Variants in EEF1E1 observed in about 807,000 individuals in gnomAD.
EEF1E1 encodes eukaryotic translation elongation factor 1 epsilon-1.
In EEF1E1, 19 loss-of-function variants were observed where a neutral mutation model predicts 19.9. The observed-to-expected ratio is 0.95, with a 90% confidence interval of 0.66 to 1.40. EEF1E1 has a LOEUF of 1.40. Ranked by LOEUF, EEF1E1 falls within the 40% of genes most tolerant of loss-of-function variation. EEF1E1 has a pLI of 0.00. For missense variants in EEF1E1, 198 were observed against 202.2 expected (o/e 0.98, Z 0.13); for synonymous variants, 81 against 80.0 (o/e 1.01, Z -0.07).
At chr6:8,101,508 T>C (rs987085699) in intron 1 of EEF1E1, among the ~76,000 whole-genome samples, 3 of 151,472 alleles carry the variant, frequency 2.0e-5, no homozygotes, top group Admixed American at 2.0e-4. Flanking sequence ...CACTTAACCT[T>C]TCTAGGCTTC....
chr6:8,093,089 G>C (rs1758064976), intron 2 of EEF1E1, among the ~76,000 whole-genome samples: 1 of 151,916 alleles, frequency 6.6e-6, no homozygotes, highest in Non-Finnish European at 1.5e-5. Context: ...GGCCAGGCTG[G>C]TCTCAAACTC....
chr6:8,082,311 T>C (rs1224258565), intron 3 of EEF1E1, among the ~76,000 whole-genome samples: 1 of 152,198 alleles, frequency 6.6e-6, no homozygotes, highest in African/African-American at 2.4e-5. Context: ...AGAGTCTTAC[T>C]CTGTTGCCCA....
intron 2 of EEF1E1, among the ~76,000 whole-genome samples, chr6:8,092,359 C>G (rs1295588112): frequency 3.9e-5 from 6 of 152,140 alleles, no homozygotes; most frequent in Non-Finnish European, 8.8e-5. Flanking sequence ...TTTGAGTTTG[C>G]AAACAAAGTT....
chr6:8,094,921 T>C (rs1402496852), intron 2 of EEF1E1, among the ~76,000 whole-genome samples: 1 of 152,216 alleles, frequency 6.6e-6, no homozygotes, highest in African/African-American at 2.4e-5. Flanking sequence ...TTCTTTTCTC[T>C]AGCTTACTTT....
intron 3 of EEF1E1, among the ~76,000 whole-genome samples, chr6:8,086,731 G>A (rs1038249893): frequency 6.6e-6 from 1 of 152,106 alleles, no homozygotes; most frequent in African/African-American, 2.4e-5. Context: ...TTAGTGATGA[G>A]GTACAGTGAG....
chr6:8,097,257 GT>G lies in EEF1E1; in HGVS notation c.288+9del. ...TCATGCATTTCAGCCTATAAGAGAAGTCACGATACCTTCAACAGTGTGTGGA... is the reference window on the plus strand; with the variant it reads ...TCATGCATTTCAGCCTATAAGAGAAGCACGATACCTTCAACAGTGTGTGGA... On this transcript the variant is annotated intron_variant, in intron 2 of 3. Coordinates refer to ENST00000379715, the MANE Select transcript of EEF1E1 (RefSeq NM_004280.5). 6.2e-7 allele frequency: 1 copy of G among 1,613,260 alleles called. No individual in the cohort carries two copies. The highest frequency in any genetic ancestry group is 1.1e-5 in the South Asian group (1 of 91,048).
At chr6:8,095,888 G>A (rs1758159315) in intron 2 of EEF1E1, among the ~76,000 whole-genome samples, 1 of 152,174 alleles carries the variant, frequency 6.6e-6, no homozygotes, top group Admixed American at 6.5e-5. Context: ...TCACCCACCA[G>A]TCTGAGTTCT....
At chr6:8,075,324 T>G (rs1757565269), downstream of EEF1E1, among the ~76,000 whole-genome samples, 1 of 152,194 alleles carries the variant, frequency 6.6e-6, no homozygotes, top group Non-Finnish European at 1.5e-5. Context: ...CTGAGGGCAA[T>G]GAATTGTGAA....
downstream of EEF1E1, chr6:8,078,866 A>G (rs1030398783): frequency 6.4e-6 from 7 of 1,086,968 alleles, no homozygotes; most frequent in Admixed American, 1.9e-4. Context: ...GTAAGAAAAT[A>G]TGATTGACTG....
At chr6:8,087,044 C>G (rs35815062) in intron 3 of EEF1E1, among the ~76,000 whole-genome samples, 23 of 152,018 alleles carry the variant, frequency 1.5e-4, no homozygotes, top group South Asian at 4.2e-4. Flanking sequence ...TGAGTGGGAA[C>G]CGAGAGATAC....
Position 8,083,593 on chromosome 6 carries a change from G to A in EEF1E1, c.385-3563C>T, listed in dbSNP as rs186534126. Among the ~76,000 whole-genome samples the A allele has an allele frequency of 3.9e-5, 6 of 152,236 alleles. No individual in the cohort carries two copies. In the East Asian group the frequency reaches 9.6e-4, roughly 24 times the overall value. On this transcript the variant is annotated intron_variant, in intron 3 of 3. Transcript: ENST00000379715. ...AAAGGCAACATAATATTCCTCAAAC[G>A]GAGTTAAGATAGACCAGATCTTAGA...
chr6:8,092,516 C>T (rs1043207497), intron 2 of EEF1E1, among the ~76,000 whole-genome samples: 6 of 152,020 alleles, frequency 3.9e-5, no homozygotes, highest in Admixed American at 6.5e-5. Context: ...ATATGAGCCC[C>T]TAAAGGTGGT....
At chr6:8,101,652 T>C in intron 1 of EEF1E1, 2 of 885,796 alleles carry the variant, frequency 2.3e-6, no homozygotes, top group Non-Finnish European at 2.9e-6. Context: ...AAAAAAAACA[T>C]ATATCCAAAG....
chr6:8,101,854 T>C (rs1171089175), intron 1 of EEF1E1: 5 of 1,285,796 alleles, frequency 3.9e-6, no homozygotes, highest in Middle Eastern at 2.1e-4. Context: ...TCCCCTAGAT[T>C]GGGCCAAGAC....
In EEF1E1 at chr6:8,079,423, CATAA is replaced by C. The variant is rs1757672274; in HGVS notation, c.*463_*466del. On this transcript the variant is annotated 3_prime_UTR_variant, in exon 4 of 4. Transcript: ENST00000379715. ...TTTTTCAACCACATTTACTAGCTCA[CATAA>C]ATATTTTAAAACAAATCCATCTGTC... 1 of 988,960 alleles carries C rather than the reference CATAA, an allele frequency of 1.0e-6. No homozygotes were observed. The highest frequency in any genetic ancestry group is 4.6e-5 in the South Asian group (1 of 21,606). The allele number at this position is 988,960 out of a possible 1,614,324, so 61.3% of individuals were successfully genotyped here.
intron 3 of EEF1E1, among the ~76,000 whole-genome samples, chr6:8,088,577 T>A (rs972751011): frequency 1.3e-5 from 2 of 152,188 alleles, no homozygotes; most frequent in Non-Finnish European, 2.9e-5. Flanking sequence ...CATGACTTGC[T>A]CCGACTTGCT....
chr6:8,102,079 C>T (rs1758381486), intron 1 of EEF1E1: 2 of 1,177,686 alleles, frequency 1.7e-6, no homozygotes, highest in Non-Finnish European at 2.1e-6. Flanking sequence ...ATGAAAGGTG[C>T]GATTACGGGA....
rs550029370 is a variant in EEF1E1 at position 8,084,680 on chromosome 6, A to C, written c.385-4650T>G. ...ATTTTTCCTAATATAAAGCTTAAAA[A>C]GTTAAATGTCAAACCATATGTCACA... is the stretch of plus-strand genomic sequence containing the variant. On this transcript the variant is annotated intron_variant, in intron 3 of 3. Transcript: ENST00000379715. Among the ~76,000 whole-genome samples, 160 of 152,366 alleles carry C rather than the reference A, an allele frequency of 1.1e-3. No individual in the cohort carries two copies. The Middle Eastern group carries it at 0.014, about 13-fold the overall frequency.
At chr6:8,076,490 A>AT (rs1247834354), downstream of EEF1E1, among the ~76,000 whole-genome samples, 2 of 151,632 alleles carry the variant, frequency 1.3e-5, no homozygotes, top group Admixed American at 6.6e-5. Flanking sequence ...CGCCCGGCTA[A>AT]TTTTTTGTAT....
Sources: allele counts gnomAD v4.1 joint callset (sites outside exome capture counted in the v4.1 genomes callset), GRCh38; gene constraint gnomAD v4.1.1; transcripts MANE v1.5; gene names NCBI Gene and HGNC (gene_info 2026-07-23, HGNC 2026-07-21).